SPEN: variants seen among roughly 807,000 people sequenced by gnomAD.
The protein encoded by SPEN is spen family transcriptional repressor, also known as msx2-interacting protein.
A neutral mutation model predicts 269.9 loss-of-function variants in SPEN; 18 were observed. The ratio of observed to expected loss-of-function variants is 0.07; its 90% CI spans 0.05 to 0.10. The LOEUF is 0.10. SPEN is among the 10% of genes least tolerant of loss of function. The pLI, the probability that SPEN is intolerant of heterozygous loss-of-function variation, is 1.00. For synonymous variants in SPEN, 1,726 were observed against 1,765.7 expected, an observed-to-expected ratio of 0.98 and a Z score of 0.56; for missense variants, 3,822 against 4,631.2, an observed-to-expected ratio of 0.83 and a Z score of 5.07.
At position 15,864,708 on chromosome 1, in the gene SPEN, C is replaced by T. The variant is rs925889668; in HGVS notation, c.84-8108C>T. ...CACTGCAGCCTGGAACTACTGGGCT[C>T]GAGCTCCCGTCTCAGCCTACCGAGT... On this transcript the variant is annotated intron_variant, in intron 1 of 14. Coordinates refer to ENST00000375759, the MANE Select transcript of SPEN (RefSeq NM_015001.3). Among the ~76,000 whole-genome samples the T allele has an allele frequency of 2.7e-5, 4 of 148,800 alleles. No individual in the cohort carries two copies. In the Admixed American group the frequency reaches 2.7e-4, roughly 10 times the overall value.
chr1:15,879,441 A>T (rs2070665674), intron 3 of SPEN, among the ~76,000 whole-genome samples: 1 of 152,162 alleles, frequency 6.6e-6, no homozygotes, highest in South Asian at 2.1e-4. Flanking sequence ...ATGTAATTAA[A>T]AAAAAATAAA....
intron 2 of SPEN, chr1:15,874,329 G>C (rs768342322): frequency 2.2e-6 from 3 of 1,366,520 alleles, no homozygotes; most frequent in South Asian, 2.3e-5. Context: ...AATTGGGGAA[G>C]TTATGTTCAC....
rs989770862 is a variant in SPEN at position 15,929,104 on chromosome 1, A to C, written c.2864A>C (p.Glu955Ala). ...AGCCATGTTGAAGTGGTGGAGAAGG[A>C]AGGCAGGCTTAAAGCCAGGAAGCAC... Reference protein sequence around the residue: ...LSSHVEVVEKEGRLKARKHLK... With the variant: ...LSSHVEVVEKAGRLKARKHLK... The change falls in exon 11 of 15, where the codon GAA becomes GCA. Residue 955 changes from glutamate to alanine, a missense_variant. Around this residue, in one of 16 missense-constraint regions of SPEN, gnomAD observed 572 missense variants for 582.6 expected, o/e 0.98. Transcript: ENST00000375759. The surrounding 1 kb of genome is among the most constrained non-coding windows in gnomAD (Gnocchi z 5.8). 4 of 1,614,130 alleles carry C rather than the reference A, an allele frequency of 2.5e-6. No homozygotes were observed. Among genetic ancestry groups the C allele is most frequent in the Non-Finnish European group, 3.4e-6 (4 of 1,180,048 alleles).
intron 5 of SPEN, 51 bp from the exon 6 acceptor site, chr1:15,916,077 T>C: frequency 6.5e-7 from 1 of 1,549,248 alleles, no homozygotes; most frequent in Non-Finnish European, 8.7e-7. Context: ...TATATAAATA[T>C]GCATTAAAAT....
At chr1:15,924,320 C>T (rs922887744) in intron 10 of SPEN, among the ~76,000 whole-genome samples, 5 of 152,126 alleles carry the variant, frequency 3.3e-5, no homozygotes, top group East Asian at 1.9e-4. Context: ...GAAAGTGTCC[C>T]GGAGGCCTAC....
intron 4 of SPEN, among the ~76,000 whole-genome samples, chr1:15,909,816 G>T (rs938096051): frequency 1.3e-5 from 2 of 152,094 alleles, no homozygotes; most frequent in Admixed American, 6.6e-5. Flanking sequence ...GTATTTCAGT[G>T]ATTGCTTAAA....
In SPEN at chr1:15,932,145, A is replaced by G; in HGVS notation, c.5905A>G (p.Lys1969Glu). 1 of 1,613,282 alleles carries G rather than the reference A, an allele frequency of 6.2e-7. No homozygotes were observed. The highest frequency in any genetic ancestry group is 8.5e-7 in the Non-Finnish European group (1 of 1,179,656). Residue 1969 changes from lysine (K) to glutamate (E), a missense_variant, in exon 11 of 15, where the codon AAG (lysine) becomes GAG (glutamate). Coordinates refer to ENST00000375759, the MANE Select transcript of SPEN (RefSeq NM_015001.3). This position sits in a 1 kb window ranked among gnomAD's most constrained non-coding sequence, Gnocchi z 4.2. ...CGATGAAGAGGAGGAGAACGAGGCC[A>G]AGGAACCTGCAGAAACACTCAAGCC... ...RADEEEENEA[K>E]EPAETLKPPE...
Position 15,848,242 on chromosome 1 carries a change from G to A in SPEN, c.83+92G>A, listed in dbSNP as rs1166304032. 2 of 928,934 alleles carry A rather than the reference G, an allele frequency of 2.2e-6. No individual in the cohort carries two copies. Among genetic ancestry groups the A allele is most frequent in the African/African-American group, 1.7e-5 (1 of 57,538 alleles). The allele number at this position is 928,934 out of a possible 1,614,324, so 57.5% of individuals were successfully genotyped here. A position where few individuals can be genotyped will look rare whatever the true frequency, so the allele number is the denominator to read the frequency against. ...CGGCCCCTCCCGGAGCGCGGAGCTGGTGAGGAGGACTCCGGCCCGGACCCA... is the reference window on the plus strand; with the variant it reads ...CGGCCCCTCCCGGAGCGCGGAGCTGATGAGGAGGACTCCGGCCCGGACCCA... On this transcript the variant is annotated intron_variant, in intron 1 of 14. Coordinates refer to ENST00000375759, the MANE Select transcript of SPEN (RefSeq NM_015001.3). The surrounding 1 kb of genome is among the most constrained non-coding windows in gnomAD (Gnocchi z 5.1).
intron 1 of SPEN, among the ~76,000 whole-genome samples, chr1:15,854,266 A>G (rs1046636854): frequency 6.6e-6 from 1 of 152,164 alleles, no homozygotes; most frequent in Non-Finnish European, 1.5e-5. Context: ...AGTGCTGTTC[A>G]GCCCCTTGAA....
chr1:15,864,946 G>A (rs971008645), intron 1 of SPEN, among the ~76,000 whole-genome samples: 5 of 151,432 alleles, frequency 3.3e-5, no homozygotes, highest in African/African-American at 7.3e-5. Context: ...AATCGTCCTC[G>A]CGCCTTGGCT....
chr1:15,866,342 GTTTT>G (rs1206143825), intron 1 of SPEN, among the ~76,000 whole-genome samples: 2 of 151,900 alleles, frequency 1.3e-5, no homozygotes, highest in Non-Finnish European at 2.9e-5. Flanking sequence ...GAATACATTA[GTTTT>G]TTTGTTTTGT....
intron 3 of SPEN, among the ~76,000 whole-genome samples, chr1:15,899,768 T>C (rs2070882650): frequency 6.6e-6 from 1 of 152,070 alleles, no homozygotes; most frequent in African/African-American, 2.4e-5. Context: ...TTGAAGTCTT[T>C]GACCAGTTTT....
At chr1:15,868,351 TTCCCTATCAGAGATATAA>T (rs2070538064) in intron 1 of SPEN, among the ~76,000 whole-genome samples, 2 of 151,702 alleles carry the variant, frequency 1.3e-5, no homozygotes, top group Non-Finnish European at 2.9e-5. Flanking sequence ...GTTTTAGGAG[TTCCCTATCAGAGATATAA>T]TCTGTAATTA....
intron 3 of SPEN, among the ~76,000 whole-genome samples, chr1:15,890,780 A>AT (rs1374050117): frequency 5.3e-5 from 8 of 152,136 alleles, no homozygotes; most frequent in Non-Finnish European, 8.8e-5. Flanking sequence ...GTTGCTCTCC[A>AT]TTCTTTTTCT....
Position 15,929,985 on chromosome 1 carries a change from C to T in SPEN, c.3745C>T (p.Arg1249Cys). ...GCGAGAACGGAATTACAGAAGTTCACGCCAAATCAGCGAAGATTCTGAAAG... is the reference window on the plus strand; with the variant it reads ...GCGAGAACGGAATTACAGAAGTTCATGCCAAATCAGCGAAGATTCTGAAAG... ...TKRERNYRSS[R>C]QISEDSERTG... The change falls in exon 11 of 15, where the codon CGC becomes TGC. Residue 1249 changes from arginine (R) to cysteine (C), a missense_variant. Arg to Cys is a radical substitution (Grantham distance 180). Around this residue, in one of 16 missense-constraint regions of SPEN, gnomAD observed 267 missense variants for 315.5 expected, o/e 0.85. Transcript: ENST00000375759. The surrounding 1 kb of genome is among the most constrained non-coding windows in gnomAD (Gnocchi z 5.8). 6.2e-7 allele frequency: 1 copy of T among 1,614,120 alleles called. No homozygotes were observed. The highest frequency in any genetic ancestry group is 8.5e-7 in the Non-Finnish European group (1 of 1,180,032).
chr1:15,866,762 G>T (rs999067664), intron 1 of SPEN, among the ~76,000 whole-genome samples: 2 of 152,198 alleles, frequency 1.3e-5, no homozygotes, highest in East Asian at 3.8e-4. Context: ...GAAGCTAGCA[G>T]ATTTTGACTA....
At chr1:15,901,555 TGGG>T (rs1404381600) in intron 3 of SPEN, among the ~76,000 whole-genome samples, 1 of 143,870 alleles carries the variant, frequency 7.0e-6, no homozygotes, top group Non-Finnish European at 1.5e-5. Flanking sequence ...AAGGCTGAGT[TGGG>T]GGGATCATTT....
intron 1 of SPEN, among the ~76,000 whole-genome samples, chr1:15,864,450 G>T (rs1202220994): frequency 6.7e-6 from 1 of 149,088 alleles, no homozygotes; most frequent in South Asian, 2.1e-4. Context: ...GATTATAGGC[G>T]TGAGCCTCTG....
chr1:15,867,049 A>G (rs116458035), intron 1 of SPEN, among the ~76,000 whole-genome samples: 3 of 152,292 alleles, frequency 2.0e-5, no homozygotes, highest in Non-Finnish European at 4.4e-5. Context: ...TGTTTTTAAT[A>G]TATTCACAGA....
Sources: gnomAD v4.1 joint callset for allele counts (sites outside exome capture counted in the v4.1 genomes callset) on GRCh38, gnomAD v4.1.1 for gene constraint, gnomAD v4.1.1 regional missense constraint, Gnocchi (gnomAD v3.1) non-coding constraint, MANE v1.5 for transcripts, NCBI Gene and HGNC (gene_info 2026-07-23, HGNC 2026-07-21) for gene names.